The following RSBN1L variants were observed in gnomAD, a reference collection of about 807,000 sequenced individuals.
RSBN1L encodes the protein lysine-specific demethylase RSBN1L.
RSBN1L carries 30 observed loss-of-function variants against 67.7 expected under a neutral mutation model. That is an observed-to-expected ratio of 0.44 (90% CI 0.33 to 0.60). The LOEUF (loss-of-function observed/expected upper bound fraction) is 0.60, where lower values mean the gene tolerates loss of function less well. RSBN1L is among the 20% of genes least tolerant of loss of function. The pLI, the probability that RSBN1L is intolerant of heterozygous loss-of-function variation, is 0.02. For missense variants in RSBN1L, 992 were observed against 1,031.7 expected (o/e 0.96, Z 0.53); for synonymous variants, 433 against 387.0 (o/e 1.12, Z -1.39).
In RSBN1L at chr7:77,779,769, A is replaced by T. The variant is rs974065092; in HGVS notation, c.*601A>T. ...TAGTGTGGTATTGTAGTGCAAATGT[A>T]CGTAATTCAAATCTAGTAAATATTT... On this transcript the variant is annotated 3_prime_UTR_variant, in exon 8 of 8. Transcript: ENST00000334955. 6.6e-6 allele frequency: 1 copy of T among 150,424 alleles called. No homozygotes were observed. The highest frequency in any genetic ancestry group is 2.4e-5 in the African/African-American group (1 of 40,924). The allele number at this position is 150,424 out of a possible 1,614,324, so 9.3% of individuals were successfully genotyped here.
chr7:77,746,740 G>A (rs926824445), intron 2 of RSBN1L, among the ~76,000 whole-genome samples: 1 of 152,162 alleles, frequency 6.6e-6, no homozygotes, highest in Non-Finnish European at 1.5e-5. Flanking sequence ...CAACATAGAG[G>A]GGGGTGGGTA....
intron 3 of RSBN1L, among the ~76,000 whole-genome samples, chr7:77,763,482 C>T (rs1051174623): frequency 2.0e-5 from 3 of 152,098 alleles, no homozygotes; most frequent in Admixed American, 6.5e-5. Flanking sequence ...GAGATTGATA[C>T]CCTTAGCTTC....
At chr7:77,751,839 A>G (rs1791560339) in intron 3 of RSBN1L, among the ~76,000 whole-genome samples, 1 of 152,142 alleles carries the variant, frequency 6.6e-6, no homozygotes, top group Non-Finnish European at 1.5e-5. Context: ...TGTCTCCTAA[A>G]TGTCCGGTTT....
intron 6 of RSBN1L, among the ~76,000 whole-genome samples, chr7:77,774,481 C>T (rs537774679): frequency 6.6e-6 from 1 of 152,172 alleles, no homozygotes; most frequent in Non-Finnish European, 1.5e-5. Context: ...GTAATCCCAG[C>T]ACTTTCGGAG....
chr7:77,731,519 A>G (rs1791271714), intron 1 of RSBN1L, among the ~76,000 whole-genome samples: 1 of 152,150 alleles, frequency 6.6e-6, no homozygotes, highest in Admixed American at 6.6e-5. Flanking sequence ...TACAGGCTTG[A>G]GCTACTGTGC....
intron 2 of RSBN1L, among the ~76,000 whole-genome samples, chr7:77,746,292 A>G (rs1218559778): frequency 6.6e-6 from 1 of 152,186 alleles, no homozygotes; most frequent in Non-Finnish European, 1.5e-5. Context: ...ACTTTCAATT[A>G]TGGTGGAAGG....
intron 1 of RSBN1L, among the ~76,000 whole-genome samples, chr7:77,724,556 G>A (rs1297471867): frequency 1.3e-5 from 2 of 151,446 alleles, no homozygotes; most frequent in African/African-American, 2.4e-5. Context: ...CTCCTGAGTA[G>A]CTGGGATTAC....
At chr7:77,697,592 G>C (rs1176751655) in intron 1 of RSBN1L, among the ~76,000 whole-genome samples, 1 of 152,088 alleles carries the variant, frequency 6.6e-6, no homozygotes, top group Non-Finnish European at 1.5e-5. Flanking sequence ...AGCGTGCAGG[G>C]CCCGAAGTGC....
At chr7:77,740,058 GT>G (rs1324721250) in intron 2 of RSBN1L, among the ~76,000 whole-genome samples, 1 of 151,790 alleles carries the variant, frequency 6.6e-6, no homozygotes, top group Non-Finnish European at 1.5e-5. Flanking sequence ...GGCCTGTCAA[GT>G]TTTTTCTGAC....
chr7:77,722,907 C>G (rs1007106705), intron 1 of RSBN1L, among the ~76,000 whole-genome samples: 2 of 151,312 alleles, frequency 1.3e-5, no homozygotes, highest in African/African-American at 4.9e-5. Flanking sequence ...GATGTTTGTG[C>G]AGCAACAATA....
At chr7:77,712,025 T>C (rs946140381) in intron 1 of RSBN1L, among the ~76,000 whole-genome samples, 2 of 150,876 alleles carry the variant, frequency 1.3e-5, no homozygotes, top group Admixed American at 6.6e-5. Context: ...CTGAAAGTTC[T>C]TTGTAAGCTC....
Position 77,749,633 on chromosome 7 carries a change from G to A in RSBN1L, c.913G>A (p.Gly305Arg). 2 of 1,613,962 alleles carry A rather than the reference G, an allele frequency of 1.2e-6. No homozygotes were observed. Among genetic ancestry groups the A allele is most frequent in the Non-Finnish European group, 1.7e-6 (2 of 1,179,968 alleles). Reference sequence around the variant, plus strand: ...AAATGATAACATAAAAGATTACGTTGGGAAGAATTTGGATACCAAGAACTA... The same window carrying A: ...AAATGATAACATAAAAGATTACGTTAGGAAGAATTTGGATACCAAGAACTA... The part of the protein sequence containing the change: ...ILNDNIKDYV[G>R]KNLDTKNYDS... Residue 305 changes from glycine to arginine, a missense_variant, in exon 3 of 8, where the codon GGG (glycine) becomes AGG (arginine). By Grantham distance (125) the Gly-to-Arg change is moderately radical. Coordinates refer to ENST00000334955, the MANE Select transcript of RSBN1L (RefSeq NM_198467.3).
chr7:77,707,213 A>G (rs1037770853), intron 1 of RSBN1L, among the ~76,000 whole-genome samples: 1 of 152,046 alleles, frequency 6.6e-6, no homozygotes, highest in Non-Finnish European at 1.5e-5. Flanking sequence ...TAGTAGAGAC[A>G]GGGTTCCACC....
chr7:77,711,509 T>C (rs2150413537), intron 1 of RSBN1L, among the ~76,000 whole-genome samples: 1 of 152,018 alleles, frequency 6.6e-6, no homozygotes, highest in South Asian at 2.1e-4. Flanking sequence ...CTGGCTGATT[T>C]AAAAAAAGTT....
At chr7:77,715,108 C>G (rs1334856682) in intron 1 of RSBN1L, among the ~76,000 whole-genome samples, 2 of 151,606 alleles carry the variant, frequency 1.3e-5, no homozygotes, top group South Asian at 4.2e-4. Flanking sequence ...CCTATCTCTA[C>G]TAAAAATACA....
chr7:77,770,518 A>G (rs77220750), intron 5 of RSBN1L, among the ~76,000 whole-genome samples: 2,150 of 152,094 alleles, frequency 0.014, 56 homozygotes, highest in African/African-American at 0.049. Context: ...CCGCCTCTAC[A>G]AAATAAATTT....
At chr7:77,744,436 T>C (rs1408232752) in intron 2 of RSBN1L, among the ~76,000 whole-genome samples, 2 of 152,136 alleles carry the variant, frequency 1.3e-5, no homozygotes, top group African/African-American at 2.4e-5. Context: ...AAGTCTGAAT[T>C]TGATAACGTT....
chr7:77,776,491 A>C (rs150673372), intron 6 of RSBN1L, among the ~76,000 whole-genome samples: 4 of 152,220 alleles, frequency 2.6e-5, no homozygotes, highest in African/African-American at 9.6e-5. Flanking sequence ...GTATATGTCT[A>C]TTCTTAACAT....
chr7:77,766,402 C>G (rs1791766900), intron 4 of RSBN1L, among the ~76,000 whole-genome samples: 1 of 152,120 alleles, frequency 6.6e-6, no homozygotes, highest in African/African-American at 2.4e-5. Flanking sequence ...TCAGGCTGGT[C>G]TTGAACTCTT....
Sources: gnomAD v4.1 joint callset for allele counts (sites outside exome capture counted in the v4.1 genomes callset) on GRCh38, gnomAD v4.1.1 for gene constraint, MANE v1.5 for transcripts, NCBI Gene and HGNC (gene_info 2026-07-23, HGNC 2026-07-21) for gene names.